The following DOCK8 variants were observed in gnomAD, a reference collection of about 807,000 sequenced individuals.
DOCK8 encodes dedicator of cytokinesis 8, also known as dedicator of cytokinesis protein 8.
DOCK8 carries 141 observed loss-of-function variants against 245.6 expected under a neutral mutation model. The observed-to-expected ratio is 0.57, with a 90% CI of 0.50 to 0.66. The LOEUF is 0.66. DOCK8 is among the 30% of genes least tolerant of loss of function. The pLI, the probability that DOCK8 is intolerant of heterozygous loss-of-function variation, is 0.00. For synonymous variants in DOCK8, 1,168 were observed against 970.2 expected (o/e 1.20, Z -3.79); for missense variants, 2,965 against 2,603.4 (o/e 1.14, Z -3.02).
At chr9:262,787 A>T (rs1002766910) in intron 1 of DOCK8, among the ~76,000 whole-genome samples, 3 of 152,206 alleles carry the variant, frequency 2.0e-5, no homozygotes, top group African/African-American at 7.2e-5. Context: ...TGTGCAGTTC[A>T]TTGCCAGCTA....
intron 1 of DOCK8, among the ~76,000 whole-genome samples, chr9:232,198 T>A (rs1407940292): frequency 2.0e-5 from 3 of 152,188 alleles, no homozygotes; most frequent in African/African-American, 7.2e-5. Flanking sequence ...TGGATTACAT[T>A]TATTGATTTG....
chr9:421,894 G>GTGGCGA (rs2056294137), intron 32 of DOCK8, among the ~76,000 whole-genome samples, 154 bp from the exon 33 acceptor site: 1 of 152,278 alleles, frequency 6.6e-6, no homozygotes, highest in East Asian at 1.9e-4. Context: ...GGACATAGGT[G>GTGGCGA]TGGCGACTTT....
chr9:400,016 C>CCACCTCCTTCACCAT (rs1564011480), intron 26 of DOCK8, among the ~76,000 whole-genome samples: 1 of 103,368 alleles, frequency 9.7e-6, no homozygotes, highest in Non-Finnish European at 2.1e-5. Context: ...TCCACCATCA[C>CCACCTCCTTCACCAT]CACCACCTCC....
At chr9:254,643 C>T (rs1587669886) in intron 1 of DOCK8, among the ~76,000 whole-genome samples, 1 of 152,230 alleles carries the variant, frequency 6.6e-6, no homozygotes, top group Non-Finnish European at 1.5e-5. Context: ...AAATCATTTC[C>T]CTGCAGGTGG....
chr9:271,859 G>A, intron 2 of DOCK8, 130 bp downstream of exon 2: 1 of 688,316 alleles, frequency 1.5e-6, no homozygotes, highest in Middle Eastern at 2.4e-4. Context: ...TCCTAACTCT[G>A]TGACTGTGTC....
chr9:394,436 G>T lies in DOCK8; in HGVS notation c.2971-2349G>T, dbSNP rs529268421. On this transcript the variant is annotated intron_variant, in intron 24 of 47. Coordinates refer to ENST00000432829, the MANE Select transcript of DOCK8 (RefSeq NM_203447.4). ...TTGAAAACCAAAACAGTTTTGTTTT[G>T]TTTTTTTCCAAGAAGCTTGAGAAAG... Among the ~76,000 whole-genome samples the T allele has an allele frequency of 1.1e-3, 175 of 152,278 alleles. 1 individual carries two copies. The highest frequency in any genetic ancestry group is 4.1e-3 in the African/African-American group (171 of 41,574).
intron 46 of DOCK8, among the ~76,000 whole-genome samples, chr9:457,937 A>T (rs1381379551): frequency 6.6e-6 from 1 of 152,190 alleles, no homozygotes; most frequent in Non-Finnish European, 1.5e-5. Context: ...TGAAGAGGTT[A>T]AGTAGCTTGT....
At chr9:279,285 A>G (rs2048478321) in intron 2 of DOCK8, among the ~76,000 whole-genome samples, 1 of 152,216 alleles carries the variant, frequency 6.6e-6, no homozygotes, top group African/African-American at 2.4e-5. Context: ...CTGTTAAATT[A>G]TCAAGTAGTG....
intron 26 of DOCK8, among the ~76,000 whole-genome samples, chr9:400,940 A>ACCACCATCACCACCACCT (rs1564016560): frequency 1.8e-5 from 1 of 55,708 alleles, no homozygotes; most frequent in African/African-American, 3.8e-4. Flanking sequence ...AACATCCACC[A>ACCACCATCACCACCACCT]CCACCATCAC....
intron 44 of DOCK8, 119 bp from the exon 45 acceptor site, chr9:449,665 T>C (rs1289401572): frequency 7.7e-7 from 1 of 1,294,798 alleles, no homozygotes; most frequent in East Asian, 2.3e-5. Context: ...TAAATTACTC[T>C]GAAAGTCTTT....
Position 374,757 on chromosome 9 carries a change from T to A in DOCK8, c.2110-1453T>A, listed in dbSNP as rs182616525. On this transcript the variant is annotated intron_variant, in intron 18 of 47. Coordinates refer to ENST00000432829, the MANE Select transcript of DOCK8 (RefSeq NM_203447.4). ...CTGGGATTATAGGTGTGAGCCACCA[T>A]GCCCGGCCCCTTTTTACTTTTTTAA... Among the ~76,000 whole-genome samples the A allele has an allele frequency of 5.4e-3, 823 of 152,050 alleles. 6 individuals are homozygous for A. The highest frequency in any genetic ancestry group is 9.3e-3 in the Non-Finnish European group (630 of 67,982).
chr9:308,698 C>G (rs113579497), intron 5 of DOCK8, among the ~76,000 whole-genome samples: 5,378 of 152,264 alleles, frequency 0.035, 213 homozygotes, highest in African/African-American at 0.093. Flanking sequence ...TGCTCTGTCG[C>G]CTAGGCTGGA....
intron 44 of DOCK8, among the ~76,000 whole-genome samples, chr9:447,733 C>G (rs910053301): frequency 6.6e-6 from 1 of 152,214 alleles, no homozygotes; most frequent in African/African-American, 2.4e-5. Context: ...TGAACAAACA[C>G]AGATGAATTG....
chr9:430,743 C>T (rs1361245553), intron 36 of DOCK8, among the ~76,000 whole-genome samples: 1 of 151,628 alleles, frequency 6.6e-6, no homozygotes, highest in Non-Finnish European at 1.5e-5. Flanking sequence ...GGAAAAAATA[C>T]AATAGACAGG....
At chr9:264,526 C>T (rs1261067001) in intron 1 of DOCK8, among the ~76,000 whole-genome samples, 2 of 152,140 alleles carry the variant, frequency 1.3e-5, no homozygotes, top group Non-Finnish European at 2.9e-5. Flanking sequence ...AACGATAAAA[C>T]CTGAAATAAT....
intron 29 of DOCK8, among the ~76,000 whole-genome samples, chr9:417,173 A>G (rs752954338): frequency 2.0e-5 from 3 of 152,270 alleles, no homozygotes; most frequent in Non-Finnish European, 2.9e-5. Context: ...CGCACCTGTA[A>G]TCCCAGCTAC....
chr9:367,542 G>T (rs1188195297), intron 14 of DOCK8, among the ~76,000 whole-genome samples: 1 of 152,192 alleles, frequency 6.6e-6, no homozygotes, highest in Non-Finnish European at 1.5e-5. Context: ...GGTTTGAGCT[G>T]CCATCTTAGA....
At chr9:383,210 G>C (rs1036372180) in intron 22 of DOCK8, among the ~76,000 whole-genome samples, 3 of 151,882 alleles carry the variant, frequency 2.0e-5, no homozygotes, top group African/African-American at 7.3e-5. Context: ...GACCAGCCTG[G>C]CCAACATGGT....
At chr9:427,752 A>C (rs935593654) in intron 34 of DOCK8, among the ~76,000 whole-genome samples, 1 of 152,254 alleles carries the variant, frequency 6.6e-6, no homozygotes, top group Non-Finnish European at 1.5e-5. Flanking sequence ...CATCATACAA[A>C]AATAAACACA....
Sources: allele counts gnomAD v4.1 joint callset (sites outside exome capture counted in the v4.1 genomes callset), GRCh38; gene constraint gnomAD v4.1.1; transcripts MANE v1.5; gene names NCBI Gene and HGNC (gene_info 2026-07-23, HGNC 2026-07-21).